Variants in GSDMC observed in about 807,000 individuals in gnomAD.
GSDMC encodes the protein gasdermin C.
Under a neutral mutation model 58.0 loss-of-function variants are expected in GSDMC, and 59 were observed. That is an observed-to-expected ratio of 1.02 (90% CI 0.82 to 1.26). The LOEUF is 1.26. Ranked by LOEUF, GSDMC falls within the 50% of genes most tolerant of loss-of-function variation. The pLI, the probability that GSDMC is intolerant of heterozygous loss-of-function variation, is 0.00. For missense variants in GSDMC, 659 were observed against 598.5 expected (o/e 1.10, Z -1.06); for synonymous variants, 241 against 220.2 (o/e 1.09, Z -0.83).
chr8:129,748,380 G>A lies in GSDMC; in HGVS notation c.*121C>T. On this transcript the variant is annotated 3_prime_UTR_variant, in exon 14 of 14. Coordinates refer to ENST00000276708, the MANE Select transcript of GSDMC (RefSeq NM_031415.3). ...TTTCCTAAAGTCTCTACCCATTACT[G>A]TCTCTACTCCACCTGGAAACGCAGA... 1 of 945,024 alleles carries A rather than the reference G, an allele frequency of 1.1e-6. No homozygotes were observed. The allele number at this position is 945,024 out of a possible 1,614,324, so 58.5% of individuals were successfully genotyped here.
chr8:129,749,678 C>G (rs773789226), intron 12 of GSDMC, among the ~76,000 whole-genome samples, 153 bp from the exon 13 acceptor site: 5 of 152,160 alleles, frequency 3.3e-5, no homozygotes, highest in Non-Finnish European at 7.3e-5. Context: ...CTGGGAAGCC[C>G]TTCAGAATGG....
rs961039240 is a variant in GSDMC, at chr8:129,751,834, C to A, written c.916+28G>T. 3.2e-6 allele frequency: 5 copies of A among 1,572,272 alleles called. 1 individual carries two copies. Among genetic ancestry groups the A allele is most frequent in the East Asian group, 2.2e-5 (1 of 44,662 alleles). ...CCATGTGTGCAGGATGGGATCCCCA[C>A]CCCCACCTCCAGCAAACTCACACTC... On this transcript the variant is annotated intron_variant, in intron 9 of 13. Transcript: ENST00000276708.
chr8:129,755,327 T>G lies in GSDMC; in HGVS notation c.722-2507A>C, dbSNP rs563459026. 2.6e-5 allele frequency among the ~76,000 whole-genome samples: 4 copies of G among 151,952 alleles called. No homozygotes were observed. In the South Asian group the frequency reaches 8.3e-4, roughly 32 times the overall value. On this transcript the variant is annotated intron_variant, in intron 6 of 13. Transcript: ENST00000276708. ...GAATGGCATGACATATTTAAATTGC[T>G]GAAGAAAAAAAAACCTTTTATCCTA...
At chr8:129,747,212 G>A (rs532959041), downstream of GSDMC, among the ~76,000 whole-genome samples, 5 of 151,446 alleles carry the variant, frequency 3.3e-5, no homozygotes, top group South Asian at 2.1e-4. Flanking sequence ...AGCCGAGATC[G>A]TGCCACTGCA....
At chr8:129,741,761 T>C in the GSDMC span, among the ~76,000 whole-genome samples, 1 of 152,002 alleles carries the variant, frequency 6.6e-6, no homozygotes, top group African/African-American at 2.4e-5. Flanking sequence ...AACTACCATA[T>C]GATTCAACAA....
At chr8:129,740,581 C>G in the GSDMC span, among the ~76,000 whole-genome samples, 3 of 152,106 alleles carry the variant, frequency 2.0e-5, no homozygotes, top group African/African-American at 7.2e-5. Flanking sequence ...GAGCAATAGG[C>G]CATACCATAT....
At chr8:129,730,210 A>T in the GSDMC span, 1 of 1,247,958 alleles carries the variant, frequency 8.0e-7, no homozygotes, top group Non-Finnish European at 1.1e-6. Flanking sequence ...CTAGAAGAAG[A>T]AATGAATAAA....
At chr8:129,760,235 G>A (rs933799540) in intron 6 of GSDMC, among the ~76,000 whole-genome samples, 8 of 152,064 alleles carry the variant, frequency 5.3e-5, no homozygotes, top group Non-Finnish European at 8.8e-5. Context: ...CTGGAGGAGA[G>A]GTAGGGATGG....
chr8:129,720,181 A>C, the GSDMC span, among the ~76,000 whole-genome samples: 15 of 152,320 alleles, frequency 9.8e-5, no homozygotes, highest in Admixed American at 9.1e-4. Context: ...GCCAAACATC[A>C]AAGTCAATAC....
chr8:129,780,052 A>G (rs1056608756), intron 1 of GSDMC, among the ~76,000 whole-genome samples: 1 of 152,216 alleles, frequency 6.6e-6, no homozygotes, highest in African/African-American at 2.4e-5. Flanking sequence ...GTGATCTTGA[A>G]AGCAGGCTAT....
chr8:129,778,707 C>T (rs770005380), intron 1 of GSDMC, among the ~76,000 whole-genome samples: 5 of 151,178 alleles, frequency 3.3e-5, no homozygotes, highest in African/African-American at 7.3e-5. Flanking sequence ...TTGCAAACTA[C>T]GAATCTGACA....
chr8:129,748,815 G>C lies in GSDMC; in HGVS notation c.1288-75C>G, dbSNP rs987874846. The C allele has an allele frequency of 2.5e-5, 32 of 1,274,786 alleles. No homozygotes were observed. The African/African-American group carries it at 4.1e-4, about 16-fold the overall frequency. The allele number at this position is 1,274,786 out of a possible 1,614,324, so 79.0% of individuals were successfully genotyped here. A position where few individuals can be genotyped will look rare whatever the true frequency, so the allele number is the denominator to read the frequency against. ...GAGAAGGCTTCTGCCCCAGTATCCA[G>C]GGGCCATGCAGGATAATAAAAGGAG... On this transcript the variant is annotated intron_variant, in intron 13 of 13. Coordinates refer to ENST00000276708, the MANE Select transcript of GSDMC (RefSeq NM_031415.3).
chr8:129,760,621 A>G, intron 5 of GSDMC, 32 bp from the exon 6 acceptor site: 1 of 940,316 alleles, frequency 1.1e-6, no homozygotes, highest in Non-Finnish European at 1.5e-6. Context: ...CCATTAGGAG[A>G]GTTGAGGTTA....
the GSDMC span, among the ~76,000 whole-genome samples, chr8:129,733,541 AC>A: frequency 2.0e-5 from 3 of 152,124 alleles, no homozygotes. Flanking sequence ...TCTGGAGTGG[AC>A]CTCCAGCAAA....
intron 3 of GSDMC, among the ~76,000 whole-genome samples, chr8:129,767,844 C>T (rs971785116): frequency 5.9e-5 from 9 of 152,188 alleles, no homozygotes; most frequent in Admixed American, 1.3e-4. Context: ...CCCTACCCAA[C>T]CAGGGAAAAT....
At chr8:129,716,368 T>G in the GSDMC span, among the ~76,000 whole-genome samples, 1 of 152,224 alleles carries the variant, frequency 6.6e-6, no homozygotes, top group Non-Finnish European at 1.5e-5. Flanking sequence ...TATTTTATTC[T>G]CTTTGTAGCA....
rs768579369 is a variant in GSDMC at position 129,752,686 on chromosome 8, C to G, written c.844+12G>C. 6.2e-7 allele frequency: 1 copy of G among 1,613,906 alleles called. No homozygotes were observed. Among genetic ancestry groups the G allele is most frequent in the South Asian group, 1.1e-5 (1 of 91,044 alleles). ...AACATAGAAGTAAAAATAAAGTGAG[C>G]AATCACAGTACCTGGTTTTAACTTC... On this transcript the variant is annotated intron_variant, in intron 7 of 13. Transcript: ENST00000276708.
At position 129,765,738 on chromosome 8, in the gene GSDMC, T is replaced by A; in HGVS notation, c.460A>T (p.Asn154Tyr). 1 of 1,613,536 alleles carries A rather than the reference T, an allele frequency of 6.2e-7. No homozygotes were observed. Among genetic ancestry groups the A allele is most frequent in the Non-Finnish European group, 8.5e-7 (1 of 1,179,416 alleles). The change falls in exon 4 of 14, where the codon AAC (asparagine) becomes TAC (tyrosine). Residue 154 changes from asparagine to tyrosine, a missense_variant. Physicochemically the swap from Asn to Tyr is moderately radical, Grantham distance 143. Transcript: ENST00000276708. ...ACAGCCTCTGTCACCACGTACAGGTTGTCCCCTCTCCTCCGGCACTCCTTC... is the reference window on the plus strand; with the variant it reads ...ACAGCCTCTGTCACCACGTACAGGTAGTCCCCTCTCCTCCGGCACTCCTTC... ...FLKECRRRGD[N>Y]LYVVTEAVEL...
At chr8:129,779,369 CAT>C (rs1415245891) in intron 1 of GSDMC, among the ~76,000 whole-genome samples, 1 of 152,148 alleles carries the variant, frequency 6.6e-6, no homozygotes, top group African/African-American at 2.4e-5. Flanking sequence ...CCAAATACCA[CAT>C]GTTTTCACTT....
Sources: gnomAD v4.1 joint callset for allele counts (sites outside exome capture counted in the v4.1 genomes callset) on GRCh38, gnomAD v4.1.1 for gene constraint, MANE v1.5 for transcripts, NCBI Gene and HGNC (gene_info 2026-07-23, HGNC 2026-07-21) for gene names.